Variants in CLYBL observed in about 807,000 individuals in gnomAD.
CLYBL encodes citramalyl-CoA lyase, mitochondrial.
CLYBL carries 31 observed loss-of-function variants against 38.9 expected under a neutral mutation model. The ratio of observed to expected loss-of-function variants is 0.80; its 90% CI spans 0.60 to 1.08. The LOEUF (loss-of-function observed/expected upper bound fraction) is 1.08, where lower values mean the gene tolerates loss of function less well. Ranked by LOEUF, CLYBL falls within the 50% of genes least tolerant of loss-of-function variation. The pLI is 0.00. For missense variants in CLYBL, 434 were observed against 411.6 expected (o/e 1.05, Z -0.47); for synonymous variants, 171 against 158.6 (o/e 1.08, Z -0.59).
At chr13:99,889,947 T>TCTCGAAGGACCCCTGCAAC (rs2052445664) in intron 7 of CLYBL, among the ~76,000 whole-genome samples, 2 of 151,976 alleles carry the variant, frequency 1.3e-5, no homozygotes, top group Admixed American at 1.3e-4. Context: ...CACCCCCAGA[T>TCTCGAAGGACCCCTGCAAC]CTCGAAGGAC....
At chr13:99,669,735 C>T (rs906028502) in intron 1 of CLYBL, among the ~76,000 whole-genome samples, 3 of 152,116 alleles carry the variant, frequency 2.0e-5, no homozygotes, top group African/African-American at 7.2e-5. Flanking sequence ...TGTTCTGCAC[C>T]CCACACAGCA....
rs543730552 is a variant in CLYBL, at chr13:99,667,540, G to C, written c.62+60783G>C. 1.5e-3 allele frequency among the ~76,000 whole-genome samples: 229 copies of C among 150,204 alleles called. 2 individuals are homozygous for C. The highest frequency in any genetic ancestry group is 4.5e-3 in the East Asian group (23 of 5,104). On this transcript the variant is annotated intron_variant, in intron 1 of 8. Coordinates refer to ENST00000339105, the MANE Select transcript of CLYBL (RefSeq NM_206808.5). ...GTTTAGGATTCTGTGTAATCAGTAAGACAGAGAGGGAATGTGTCAACTGGC... is the reference window on the plus strand; with the variant it reads ...GTTTAGGATTCTGTGTAATCAGTAACACAGAGAGGGAATGTGTCAACTGGC...
chr13:99,697,733 G>A (rs1266812182), intron 1 of CLYBL, among the ~76,000 whole-genome samples: 3 of 146,764 alleles, frequency 2.0e-5, no homozygotes, highest in African/African-American at 7.6e-5. Context: ...TGCAACCTCC[G>A]CCTCCTGGGT....
At chr13:99,673,076 A>T (rs2139369117) in intron 1 of CLYBL, among the ~76,000 whole-genome samples, 1 of 152,276 alleles carries the variant, frequency 6.6e-6, no homozygotes, top group South Asian at 2.1e-4. Flanking sequence ...TAAGTTGGTC[A>T]TGGAGAATTT....
At chr13:99,640,881 A>G (rs1321140624) in intron 1 of CLYBL, among the ~76,000 whole-genome samples, 2 of 152,238 alleles carry the variant, frequency 1.3e-5, no homozygotes, top group African/African-American at 4.8e-5. Context: ...ATATACGAAT[A>G]TATGGTGGAC....
intron 2 of CLYBL, among the ~76,000 whole-genome samples, chr13:99,858,567 C>A: frequency 6.6e-6 from 1 of 152,208 alleles, no homozygotes; most frequent in East Asian, 1.9e-4. Context: ...TTTCCCCTTC[C>A]CATTGGGAAG....
intron 1 of CLYBL, among the ~76,000 whole-genome samples, chr13:99,770,802 A>G (rs898277358): frequency 1.3e-5 from 2 of 151,692 alleles, no homozygotes; most frequent in Admixed American, 6.6e-5. Flanking sequence ...GCTCACTGCA[A>G]TCTCCACCTC....
At chr13:99,742,331 C>T (rs575567487) in intron 1 of CLYBL, among the ~76,000 whole-genome samples, 1 of 152,290 alleles carries the variant, frequency 6.6e-6, no homozygotes, top group African/African-American at 2.4e-5. Flanking sequence ...AGCAGGAAGC[C>T]TTCTTTGCTA....
chr13:99,891,509 G>A, intron 8 of CLYBL, 72 bp downstream of exon 8: 1 of 812,630 alleles, frequency 1.2e-6, no homozygotes, highest in Non-Finnish European at 2.1e-6. Context: ...TAGGATGCCA[G>A]ATTGGGACCT....
intron 9 of CLYBL, among the ~76,000 whole-genome samples, chr13:99,907,957 C>T (rs1038302692): frequency 2.0e-5 from 3 of 152,200 alleles, no homozygotes; most frequent in Non-Finnish European, 4.4e-5. Flanking sequence ...CCATGGGCAC[C>T]TCTCATCCCG....
At chr13:99,625,568 C>CT (rs1426453857) in intron 1 of CLYBL, among the ~76,000 whole-genome samples, 1 of 152,084 alleles carries the variant, frequency 6.6e-6, no homozygotes, top group Non-Finnish European at 1.5e-5. Flanking sequence ...GCGATTTTCC[C>CT]TTTTTTAAAA....
rs1461783162 is a variant in CLYBL at position 99,673,349 on chromosome 13, G to C, written c.62+66592G>C. On this transcript the variant is annotated intron_variant, in intron 1 of 8. Coordinates refer to ENST00000339105, the MANE Select transcript of CLYBL (RefSeq NM_206808.5). ...AATCACTTGAACCCGGGAGGCAGAG[G>C]TTGCAGTAAGGTGAGATAGCACCAC... 2.6e-5 allele frequency among the ~76,000 whole-genome samples: 4 copies of C among 151,342 alleles called. No individual in the cohort carries two copies. The South Asian group carries it at 8.3e-4, about 32-fold the overall frequency.
intron 2 of CLYBL, among the ~76,000 whole-genome samples, chr13:99,802,016 CAAAAAACA>C (rs570423321): frequency 5.9e-5 from 9 of 151,878 alleles, no homozygotes; most frequent in Admixed American, 1.3e-4. Flanking sequence ...AACTCCATCT[CAAAAAACA>C]AAAAAACAAA....
chr13:99,816,654 C>T (rs1457164374), intron 2 of CLYBL, among the ~76,000 whole-genome samples: 2 of 152,230 alleles, frequency 1.3e-5, no homozygotes, highest in Non-Finnish European at 2.9e-5. Flanking sequence ...AGCTCCCTTG[C>T]CCCTTGGGCC....
chr13:99,729,817 C>T (rs573832460), intron 1 of CLYBL, among the ~76,000 whole-genome samples: 1 of 152,218 alleles, frequency 6.6e-6, no homozygotes, highest in Non-Finnish European at 1.5e-5. Flanking sequence ...GTGCCACTAC[C>T]CCCTGCCACC....
Position 99,745,153 on chromosome 13 carries a change from A to T in CLYBL, c.63-27671A>T, listed in dbSNP as rs1189284783. On this transcript the variant is annotated intron_variant, in intron 1 of 8. Coordinates refer to ENST00000339105, the MANE Select transcript of CLYBL (RefSeq NM_206808.5). ...CAAATTCAAAAGACAAGCACAAAAG[A>T]TTTTCTGGTTCTCTCCATCTCTAAC... 2.6e-5 allele frequency among the ~76,000 whole-genome samples: 4 copies of T among 152,182 alleles called. No individual in the cohort carries two copies. In the South Asian group the frequency reaches 8.3e-4, roughly 31 times the overall value.
At chr13:99,614,242 T>G (rs1566588659) in intron 1 of CLYBL, among the ~76,000 whole-genome samples, 1 of 151,742 alleles carries the variant, frequency 6.6e-6, no homozygotes. Context: ...GGAGCAAGAG[T>G]CTTCTGGAAT....
At chr13:99,623,610 C>T (rs2046827856) in intron 1 of CLYBL, among the ~76,000 whole-genome samples, 2 of 152,050 alleles carry the variant, frequency 1.3e-5, no homozygotes, top group South Asian at 4.1e-4. Flanking sequence ...CTCCTTAGGT[C>T]CAGAGACCAT....
intron 1 of CLYBL, among the ~76,000 whole-genome samples, chr13:99,667,938 G>A (rs1017428533): frequency 6.6e-6 from 1 of 152,110 alleles, no homozygotes; most frequent in African/African-American, 2.4e-5. Flanking sequence ...CAAGTAATTA[G>A]GTATGAAAAG....
Sources: gnomAD v4.1 joint callset for allele counts (sites outside exome capture counted in the v4.1 genomes callset) on GRCh38, gnomAD v4.1.1 for gene constraint, MANE v1.5 for transcripts, NCBI Gene and HGNC (gene_info 2026-07-23, HGNC 2026-07-21) for gene names.